The following CFAP58 variants were observed in gnomAD, a reference collection of about 807,000 sequenced individuals.
The protein encoded by CFAP58 is cilia- and flagella-associated protein 58.
A neutral mutation model predicts 119.5 loss-of-function variants in CFAP58; 88 were observed. The ratio of observed to expected loss-of-function variants is 0.74; its 90% CI spans 0.62 to 0.88. The LOEUF is 0.88. CFAP58 is among the 40% of genes least tolerant of loss of function. The pLI, the probability that CFAP58 is intolerant of heterozygous loss-of-function variation, is 0.00. For missense variants in CFAP58, 990 were observed against 1,021.2 expected (o/e 0.97, Z 0.42); for synonymous variants, 365 against 366.3 (o/e 1.00, Z 0.04).
chr10:104,451,031 A>G (rs2013187726), intron 17 of CFAP58, among the ~76,000 whole-genome samples: 1 of 152,138 alleles, frequency 6.6e-6, no homozygotes, highest in Admixed American at 6.6e-5. Context: ...CATTGTTAGT[A>G]TTATTTGCCT....
At position 104,400,898 on chromosome 10, in the gene CFAP58, A is replaced by G. The variant is rs1205365698; in HGVS notation, c.2034A>G (p.Glu678=). Residue 678 remains glutamate, a synonymous_variant, in exon 13 of 18, where the codon GAA becomes GAG. Transcript: ENST00000369704. Reference sequence around the variant, plus strand: ...CCAGGAGTATGGCTAATGTTGAAGAACTCAGGTAATAGATTATAGAACTCA... The same window carrying G: ...CCAGGAGTATGGCTAATGTTGAAGAGCTCAGGTAATAGATTATAGAACTCA... ...ILARSMANVE[E]LRQEFFHMQR... The G allele has an allele frequency of 5.6e-6, 9 of 1,613,028 alleles. No individual in the cohort carries two copies. The highest frequency in any genetic ancestry group is 1.6e-4 in the Middle Eastern group (1 of 6,080).
At chr10:104,393,278 G>A in intron 10 of CFAP58, 51 bp from the exon 11 acceptor site, 1 of 1,542,428 alleles carries the variant, frequency 6.5e-7, no homozygotes, top group Non-Finnish European at 8.9e-7. Flanking sequence ...ACTTCCATAG[G>A]GACGATGATG....
chr10:104,426,760 T>C (rs924693675), intron 15 of CFAP58, among the ~76,000 whole-genome samples: 2 of 152,202 alleles, frequency 1.3e-5, no homozygotes, highest in Admixed American at 6.5e-5. Flanking sequence ...TTGAGAGCTA[T>C]TGATTTTTGC....
intron 15 of CFAP58, among the ~76,000 whole-genome samples, chr10:104,439,213 A>G (rs973037337): frequency 1.3e-5 from 2 of 152,132 alleles, no homozygotes; most frequent in African/African-American, 4.8e-5. Context: ...AGAATATTCT[A>G]TTTCATAAGT....
intron 9 of CFAP58, among the ~76,000 whole-genome samples, chr10:104,390,161 G>A (rs2012003466): frequency 1.3e-5 from 2 of 152,164 alleles, no homozygotes; most frequent in African/African-American, 2.4e-5. Flanking sequence ...ACAAGTGCAT[G>A]AGAATACACA....
At chr10:104,376,623 T>G (rs1187444222) in intron 7 of CFAP58, among the ~76,000 whole-genome samples, 188 bp from the exon 8 acceptor site, 2 of 152,132 alleles carry the variant, frequency 1.3e-5, no homozygotes, top group Non-Finnish European at 2.9e-5. Context: ...AAGCCTCAGT[T>G]TCCATCTCTT....
At chr10:104,452,047 GT>G (rs2013204705) in intron 17 of CFAP58, among the ~76,000 whole-genome samples, 1 of 151,966 alleles carries the variant, frequency 6.6e-6, no homozygotes, top group African/African-American at 2.4e-5. Context: ...CCAGTAAAAC[GT>G]TTTTGAACTT....
chr10:104,382,008 C>T (rs1446114342), intron 9 of CFAP58: 4 of 690,268 alleles, frequency 5.8e-6, no homozygotes, highest in Non-Finnish European at 1.1e-5. Flanking sequence ...CATCAGTTTA[C>T]ACTGCACAAA....
chr10:104,449,315 C>T (rs2013158355), intron 16 of CFAP58, among the ~76,000 whole-genome samples: 1 of 152,148 alleles, frequency 6.6e-6, no homozygotes, highest in Non-Finnish European at 1.5e-5. Flanking sequence ...TTTAAAACAA[C>T]AAGCAAGAGG....
At chr10:104,402,985 G>A (rs1333673718) in intron 13 of CFAP58, among the ~76,000 whole-genome samples, 1 of 152,128 alleles carries the variant, frequency 6.6e-6, no homozygotes, top group Non-Finnish European at 1.5e-5. Flanking sequence ...GTGGACTGTA[G>A]CCTGTTCACT....
At position 104,454,607 on chromosome 10, in the gene CFAP58, C is replaced by T; in HGVS notation, c.*77C>T. 2.8e-6 allele frequency: 3 copies of T among 1,064,580 alleles called. No homozygotes were observed. In the South Asian group the frequency reaches 3.8e-5, roughly 14 times the overall value. 65.9% of individuals were successfully genotyped at this position (1,064,580 alleles called of 1,614,324 possible). On this transcript the variant is annotated 3_prime_UTR_variant, in exon 18 of 18. Transcript: ENST00000369704. ...GACATTTTGGGGGAATCTCAAAGTC[C>T]TTGGATCATAGAACTGAGTGCTGAG...
At chr10:104,372,495 T>G (rs554714533) in intron 7 of CFAP58, among the ~76,000 whole-genome samples, 1 of 152,222 alleles carries the variant, frequency 6.6e-6, no homozygotes. Flanking sequence ...TCTCTGTTCA[T>G]GCATTCAGTA....
intron 15 of CFAP58, among the ~76,000 whole-genome samples, chr10:104,440,602 G>A (rs1247156404): frequency 2.0e-5 from 3 of 152,106 alleles, no homozygotes; most frequent in Admixed American, 6.6e-5. Flanking sequence ...TCTGTTATGC[G>A]CTTAACAGAG....
At position 104,438,349 on chromosome 10, in the gene CFAP58, T is replaced by TG. The variant is rs1402394550; in HGVS notation, c.2257-9349_2257-9348insG. The stretch of plus-strand genomic sequence containing the variant: ...TTGTTTTTTTGTTTTTTGTTTTTTG[T>TG]TTTTTTTTTTTGTTTTTTTTTTTTG... On this transcript the variant is annotated intron_variant, in intron 15 of 17. Coordinates refer to ENST00000369704, the MANE Select transcript of CFAP58 (RefSeq NM_001008723.2). Among the ~76,000 whole-genome samples the TG allele has an allele frequency of 3.6e-4, 28 of 76,920 alleles. 1 individual carries two copies. Among genetic ancestry groups the TG allele is most frequent in the East Asian group, 2.2e-3 (5 of 2,286 alleles). The allele number at this position is 76,920 out of a possible 152,430, so 50.5% of individuals were successfully genotyped here. A position where few individuals can be genotyped will look rare whatever the true frequency, so the allele number is the denominator to read the frequency against.
chr10:104,435,715 G>A (rs2133084220), intron 15 of CFAP58, among the ~76,000 whole-genome samples: 1 of 152,164 alleles, frequency 6.6e-6, no homozygotes, highest in Non-Finnish European at 1.5e-5. Context: ...CTTGAACATT[G>A]CTTTTACTGC....
At position 104,403,829 on chromosome 10, in the gene CFAP58, AG is replaced by A; in HGVS notation, c.2142del (p.Lys715SerfsTer12). On this transcript the variant is annotated frameshift_variant, in exon 14 of 18. Transcript: ENST00000369704. LOFTEE classifies it high-confidence loss of function. ...LENPLNVHRW[R>X]KLEASDPNAY... is the part of the protein sequence containing the mutation. Reference sequence around the variant, plus strand: ...GAATCCCCTGAATGTGCACAGATGGAGGAAGCTCGAGGTAACATCTGGCAGC... The same window carrying A: ...GAATCCCCTGAATGTGCACAGATGGAGAAGCTCGAGGTAACATCTGGCAGC... 1 of 1,606,778 alleles carries A rather than the reference AG, an allele frequency of 6.2e-7. No homozygotes were observed. Among genetic ancestry groups the A allele is most frequent in the African/African-American group, 1.3e-5 (1 of 74,910 alleles).
At chr10:104,395,586 C>T (rs1048933889) in intron 11 of CFAP58, among the ~76,000 whole-genome samples, 2 of 152,200 alleles carry the variant, frequency 1.3e-5, no homozygotes, top group Non-Finnish European at 2.9e-5. Context: ...GCTCGTTTGA[C>T]ATTCTCTAGA....
intron 15 of CFAP58, among the ~76,000 whole-genome samples, chr10:104,442,322 G>T (rs749732750): frequency 1.6e-4 from 25 of 152,160 alleles, no homozygotes; most frequent in Non-Finnish European, 3.1e-4. Flanking sequence ...GGGTGCAGTG[G>T]CTCATGCCTG....
rs534249833 is a variant in CFAP58 at position 104,436,411 on chromosome 10, A to G, written c.2257-11287A>G. Reference sequence around the variant, plus strand: ...CAAGACTCGGTAATTTATAAAGACAAGAGTTTTAAGTGGCTCATCGTTCTG... The same window carrying G: ...CAAGACTCGGTAATTTATAAAGACAGGAGTTTTAAGTGGCTCATCGTTCTG... On this transcript the variant is annotated intron_variant, in intron 15 of 17. Coordinates refer to ENST00000369704, the MANE Select transcript of CFAP58 (RefSeq NM_001008723.2). 5.9e-5 allele frequency among the ~76,000 whole-genome samples: 9 copies of G among 152,320 alleles called. No individual in the cohort carries two copies. In the South Asian group the frequency reaches 1.9e-3, roughly 32 times the overall value.
Sources: gnomAD v4.1 joint callset for allele counts (sites outside exome capture counted in the v4.1 genomes callset) on GRCh38, gnomAD v4.1.1 for gene constraint, MANE v1.5 for transcripts, NCBI Gene and HGNC (gene_info 2026-07-23, HGNC 2026-07-21) for gene names.